AP2A1: variants seen among roughly 807,000 people sequenced by gnomAD.
The protein encoded by AP2A1 is AP-2 complex subunit alpha-1.
AP2A1 carries 21 observed loss-of-function variants against 107.3 expected under a neutral mutation model. The observed-to-expected ratio is 0.20, with a 90% CI of 0.14 to 0.28. AP2A1 has a LOEUF of 0.28. Ranked by LOEUF, AP2A1 falls within the 10% of genes least tolerant of loss-of-function variation. The pLI is 1.00. For missense variants in AP2A1, 873 were observed against 1,307.7 expected, an observed-to-expected ratio of 0.67 and a Z score of 5.13; for synonymous variants, 602 against 564.8, an observed-to-expected ratio of 1.07 and a Z score of -0.93.
chr19:49,791,431 C>T (rs1413011250), intron 4 of AP2A1, among the ~76,000 whole-genome samples: 4 of 152,104 alleles, frequency 2.6e-5, no homozygotes, highest in African/African-American at 9.6e-5. Flanking sequence ...GTCTCACTGT[C>T]GCCCAGGCTG....
rs1202293010 is a variant in AP2A1, at chr19:49,801,638, C to T, written c.1785+17C>T. The T allele has an allele frequency of 3.2e-6, 5 of 1,568,860 alleles. No homozygotes were observed. Among genetic ancestry groups the T allele is most frequent in the Admixed American group, 1.8e-5 (1 of 55,458 alleles). Reference sequence around the variant, plus strand: ...GACGTCCTGGTCAGAGCCCTGTCCCCCCACCCCACCCCTCTTGCACACCCC... The same window carrying T: ...GACGTCCTGGTCAGAGCCCTGTCCCTCCACCCCACCCCTCTTGCACACCCC... On this transcript the variant is annotated intron_variant, in intron 13 of 22. Coordinates refer to ENST00000354293, the MANE Select transcript of AP2A1 (RefSeq NM_130787.3).
chr19:49,779,336 CAAAAA>C (rs34194805), intron 1 of AP2A1, among the ~76,000 whole-genome samples: 1 of 79,480 alleles, frequency 1.3e-5, no homozygotes, highest in Non-Finnish European at 2.5e-5. Context: ...GACTCCGTCT[CAAAAA>C]AAAAAAAAAA....
intron 18 of AP2A1, chr19:49,804,473 G>A (rs1355381918): frequency 1.3e-5 from 2 of 151,334 alleles, no homozygotes; most frequent in East Asian, 1.9e-4. Flanking sequence ...CCCAGGAGGC[G>A]AAGTTGCAGT....
chr19:49,798,714 A>C (rs1166290476), intron 7 of AP2A1, 88 bp from the exon 8 acceptor site: 1 of 1,496,162 alleles, frequency 6.7e-7, no homozygotes, highest in African/African-American at 1.4e-5. Context: ...CTCCTTTGGA[A>C]GACAGGAGCT....
rs1183765252 is a variant in AP2A1, at chr19:49,785,293, T to G, written c.473+2569T>G. Reference sequence around the variant, plus strand: ...TCTGTCACCAGGTCCAGGTCAGAGCTCGCGGTGGCTTGGACCAGGGCTGTG... The same window carrying G: ...TCTGTCACCAGGTCCAGGTCAGAGCGCGCGGTGGCTTGGACCAGGGCTGTG... On this transcript the variant is annotated intron_variant, in intron 4 of 22. Coordinates refer to ENST00000354293, the MANE Select transcript of AP2A1 (RefSeq NM_130787.3). This position sits in a 1 kb window ranked among gnomAD's most constrained non-coding sequence, Gnocchi z 4.1. 1.3e-5 allele frequency among the ~76,000 whole-genome samples: 2 copies of G among 152,112 alleles called. No individual in the cohort carries two copies. Among genetic ancestry groups the G allele is most frequent in the East Asian group, 3.8e-4 (2 of 5,196 alleles).
chr19:49,803,321 G>T lies in AP2A1; in HGVS notation c.2289G>T (p.Ser763=). ...RMYLFYGNKT[S]VQFQNFSPTV... is the part of the protein sequence containing the mutation. ...ATCTCTTCTATGGCAACAAGACCTC[G>T]GTGCAGTTCCAGAATTTCTCACCCA... Residue 763 remains serine (S), a synonymous_variant, in exon 18 of 23, where the codon TCG becomes TCT. Transcript: ENST00000354293. 1.2e-6 allele frequency: 2 copies of T among 1,613,864 alleles called. No homozygotes were observed. The highest frequency in any genetic ancestry group is 1.7e-6 in the Non-Finnish European group (2 of 1,179,878).
At chr19:49,794,177 G>A (rs1248358382) in intron 6 of AP2A1, among the ~76,000 whole-genome samples, 2 of 151,290 alleles carry the variant, frequency 1.3e-5, no homozygotes, top group Admixed American at 1.3e-4. Context: ...TGGGATTACC[G>A]GCGTGAGCCA....
At chr19:49,771,224 T>A (rs2084553007) in intron 1 of AP2A1, among the ~76,000 whole-genome samples, 1 of 149,612 alleles carries the variant, frequency 6.7e-6, no homozygotes, top group African/African-American at 2.5e-5. Context: ...TCCCAGCTAC[T>A]TGGGAGACTG....
rs1191894658 is a variant in AP2A1, at chr19:49,788,290, G to T, written c.474-3645G>T. Among the ~76,000 whole-genome samples, 1 of 152,196 alleles carries T rather than the reference G, an allele frequency of 6.6e-6. No homozygotes were observed. Among genetic ancestry groups the T allele is most frequent in the Non-Finnish European group, 1.5e-5 (1 of 68,030 alleles). On this transcript the variant is annotated intron_variant, in intron 4 of 22. Transcript: ENST00000354293. This position sits in a 1 kb window ranked among gnomAD's most constrained non-coding sequence, Gnocchi z 4.5. Reference sequence around the variant, plus strand: ...ATACTTGAATATGCAGCTTGATATTGTGTAGTTTAACATTTTCCTAAGTAG... The same window carrying T: ...ATACTTGAATATGCAGCTTGATATTTTGTAGTTTAACATTTTCCTAAGTAG...
chr19:49,772,532 G>C (rs1002067840), intron 1 of AP2A1, among the ~76,000 whole-genome samples: 4 of 148,720 alleles, frequency 2.7e-5, no homozygotes, highest in Non-Finnish European at 5.9e-5. Context: ...GTCTCGCTCT[G>C]TCCCCCAGGC....
chr19:49,796,936 T>G (rs1042620285), intron 7 of AP2A1: 1 of 152,242 alleles, frequency 6.6e-6, no homozygotes, highest in African/African-American at 2.4e-5. Flanking sequence ...ACTCTGAGTA[T>G]ACGATATGGA....
intron 1 of AP2A1, among the ~76,000 whole-genome samples, chr19:49,781,242 A>G (rs924558209): frequency 6.6e-6 from 1 of 152,050 alleles, no homozygotes; most frequent in Non-Finnish European, 1.5e-5. Context: ...GAGAGGACAA[A>G]GCCATGGCTG....
chr19:49,791,913 G>A (rs780082296), intron 4 of AP2A1, 22 bp from the exon 5 acceptor site: 2 of 1,592,182 alleles, frequency 1.3e-6, no homozygotes, highest in South Asian at 2.3e-5. Flanking sequence ...TGCTTCCCCT[G>A]CCCTGCATGG....
chr19:49,778,828 T>TA (rs139262607), intron 1 of AP2A1, among the ~76,000 whole-genome samples: 2,208 of 152,040 alleles, frequency 0.015, 43 homozygotes, highest in African/African-American at 0.041. Context: ...ACATATTCTT[T>TA]AAATATGTGT....
At chr19:49,773,311 G>A (rs750946918) in intron 1 of AP2A1, among the ~76,000 whole-genome samples, 2 of 152,160 alleles carry the variant, frequency 1.3e-5, no homozygotes, top group East Asian at 3.8e-4. Flanking sequence ...AGAGTTGGAC[G>A]AGTGAGCCAA....
intron 1 of AP2A1, among the ~76,000 whole-genome samples, chr19:49,774,445 T>C (rs796338126): frequency 5.3e-5 from 8 of 152,288 alleles, no homozygotes; most frequent in African/African-American, 1.4e-4. Flanking sequence ...GATTTTGTTA[T>C]TTACGAAGAA....
At chr19:49,781,357 T>C (rs1033054606) in intron 1 of AP2A1, among the ~76,000 whole-genome samples, 3 of 151,896 alleles carry the variant, frequency 2.0e-5, no homozygotes, top group Non-Finnish European at 4.4e-5. Flanking sequence ...GTGAGCTCAG[T>C]GGTAGGGGTG....
intron 1 of AP2A1, among the ~76,000 whole-genome samples, chr19:49,771,187 A>G (rs2084552512): frequency 6.6e-6 from 1 of 151,498 alleles, no homozygotes; most frequent in South Asian, 2.1e-4. Flanking sequence ...GAAAAAGCCT[A>G]CAGCTGGACA....
intron 6 of AP2A1, among the ~76,000 whole-genome samples, chr19:49,795,412 A>G (rs1457488005): frequency 1.3e-5 from 2 of 152,064 alleles, no homozygotes; most frequent in East Asian, 3.9e-4. Flanking sequence ...ACCCCAGGAC[A>G]TTGCGGGACT....
Sources: gnomAD v4.1 joint callset for allele counts (sites outside exome capture counted in the v4.1 genomes callset) on GRCh38, gnomAD v4.1.1 for gene constraint, Gnocchi (gnomAD v3.1) non-coding constraint, MANE v1.5 for transcripts, NCBI Gene and HGNC (gene_info 2026-07-23, HGNC 2026-07-21) for gene names.